The following PSD3 variants were observed in gnomAD, a reference collection of about 807,000 sequenced individuals.
PSD3 encodes pleckstrin and Sec7 domain containing 3, also known as PH and SEC7 domain-containing protein 3.
PSD3 carries 49 observed loss-of-function variants against 105.5 expected under a neutral mutation model. The ratio of observed to expected loss-of-function variants is 0.46; its 90% confidence interval spans 0.37 to 0.59. The LOEUF (loss-of-function observed/expected upper bound fraction) is 0.59, where lower values mean the gene tolerates loss of function less well. Ranked by LOEUF, PSD3 falls within the 20% of genes least tolerant of loss-of-function variation. PSD3 has a pLI of 0.00. For synonymous variants in PSD3, 557 were observed against 457.8 expected (o/e 1.22, Z -2.77); for missense variants, 1,561 against 1,263.8 (o/e 1.24, Z -3.57).
At chr8:18,642,335 A>T (rs1807709257) in intron 10 of PSD3, among the ~76,000 whole-genome samples, 1 of 152,180 alleles carries the variant, frequency 6.6e-6, no homozygotes, top group African/African-American at 2.4e-5. Flanking sequence ...CCTTTAAAAA[A>T]TATACATATA....
At chr8:18,764,365 T>C (rs1806793868) in intron 9 of PSD3, among the ~76,000 whole-genome samples, 1 of 152,196 alleles carries the variant, frequency 6.6e-6, no homozygotes, top group Admixed American at 6.5e-5. Flanking sequence ...TTTATACCTT[T>C]AGAAATGGCA....
chr8:19,076,568 G>C (rs1829468274), intron 1 of PSD3, among the ~76,000 whole-genome samples: 1 of 152,148 alleles, frequency 6.6e-6, no homozygotes, highest in South Asian at 2.1e-4. Flanking sequence ...AGCAAGATTA[G>C]AGTGATTACT....
intron 9 of PSD3, among the ~76,000 whole-genome samples, chr8:18,673,178 G>T (rs12550656): frequency 1.3e-5 from 2 of 151,238 alleles, no homozygotes; most frequent in Non-Finnish European, 2.9e-5. Context: ...ACATTTATTT[G>T]GTTCTCTTAA....
intron 14 of PSD3, among the ~76,000 whole-genome samples, chr8:18,564,114 T>C (rs36088240): frequency 6.4e-5 from 8 of 124,976 alleles, no homozygotes; most frequent in African/African-American, 9.1e-5. Context: ...TCTTCTTCTT[T>C]TTTTTTTTTA....
At chr8:18,932,072 T>G (rs1031951115) in intron 2 of PSD3, among the ~76,000 whole-genome samples, 10 of 152,250 alleles carry the variant, frequency 6.6e-5, no homozygotes, top group Non-Finnish European at 1.5e-4. Flanking sequence ...ATTCTGCTAC[T>G]TTAATACATA....
intron 3 of PSD3, among the ~76,000 whole-genome samples, chr8:18,870,503 G>A (rs1445745660): frequency 6.6e-6 from 1 of 152,038 alleles, no homozygotes; most frequent in East Asian, 1.9e-4. Context: ...GCACAGGGAG[G>A]GGAATATCAC....
intron 9 of PSD3, among the ~76,000 whole-genome samples, chr8:18,752,509 TAA>T (rs1491296885): frequency 2.9e-5 from 2 of 69,580 alleles, no homozygotes; most frequent in African/African-American, 7.5e-5. Context: ...ATAATATATA[TAA>T]TATATGTAAT....
At position 18,867,615 on chromosome 8, in the gene PSD3, C is replaced by G. The variant is rs1817031705; in HGVS notation, c.1634+59G>C. ...AATATATATTCCACACTCAGATTTC[C>G]CAGAAAAGAAATCCTACAAAAACCA... On this transcript the variant is annotated intron_variant, in intron 4 of 15. Coordinates refer to ENST00000327040, the MANE Select transcript of PSD3 (RefSeq NM_015310.4). 6 of 1,518,750 alleles carry G rather than the reference C, an allele frequency of 4.0e-6. No homozygotes were observed. In the East Asian group the frequency reaches 1.4e-4, roughly 34 times the overall value. The allele number at this position is 1,518,750 out of a possible 1,614,324, so 94.1% of individuals were successfully genotyped here. A position where few individuals can be genotyped will look rare whatever the true frequency, so the allele number is the denominator to read the frequency against.
chr8:18,865,717 G>A (rs1447383353), intron 4 of PSD3, among the ~76,000 whole-genome samples: 1 of 152,130 alleles, frequency 6.6e-6, no homozygotes, highest in Non-Finnish European at 1.5e-5. Flanking sequence ...TCTCCAAGGT[G>A]CTTGTCACTC....
chr8:18,730,050 G>A (rs899185507), intron 9 of PSD3: 3 of 152,030 alleles, frequency 2.0e-5, no homozygotes, highest in Non-Finnish European at 4.4e-5. Context: ...AATATCATAC[G>A]GGATACTAGC....
At position 18,677,773 on chromosome 8, in the gene PSD3, A is replaced by AT. The variant is rs572683078; in HGVS notation, c.2173-22089_2173-22088insA. ...ACGCCTGTAATCTCAGCACTGTGGG[A>AT]GGCGAGGCGGCCAGATCACGAGGTC... is the stretch of plus-strand genomic sequence containing the variant. On this transcript the variant is annotated intron_variant, in intron 9 of 15. Transcript: ENST00000327040. Among the ~76,000 whole-genome samples, 126 of 152,298 alleles carry AT rather than the reference A, an allele frequency of 8.3e-4. No individual in the cohort carries two copies. The East Asian group carries it at 0.022, about 26-fold the overall frequency.
At chr8:19,061,615 G>T (rs1026202447) in intron 1 of PSD3, among the ~76,000 whole-genome samples, 1 of 152,108 alleles carries the variant, frequency 6.6e-6, no homozygotes, top group South Asian at 2.1e-4. Context: ...AGACCACTCT[G>T]ACCAATGTGG....
intron 8 of PSD3, among the ~76,000 whole-genome samples, chr8:18,785,554 G>C (rs182565141): frequency 7.6e-4 from 116 of 152,288 alleles, no homozygotes; most frequent in African/African-American, 2.7e-3. Flanking sequence ...CTCTGTATCA[G>C]TAATAAGGCT....
chr8:18,859,973 G>T (rs543877146), intron 4 of PSD3, among the ~76,000 whole-genome samples: 1 of 152,336 alleles, frequency 6.6e-6, no homozygotes, highest in African/African-American at 2.4e-5. Context: ...TGGTGCAAGA[G>T]GTCTAGCCTT....
chr8:18,984,530 A>T (rs944349368), intron 1 of PSD3, among the ~76,000 whole-genome samples: 2 of 152,160 alleles, frequency 1.3e-5, no homozygotes, highest in African/African-American at 4.8e-5. Flanking sequence ...TTTTTTAAAG[A>T]ATGCTCTCAA....
At chr8:18,863,869 C>T (rs1016412518) in intron 4 of PSD3, among the ~76,000 whole-genome samples, 3 of 152,184 alleles carry the variant, frequency 2.0e-5, no homozygotes, top group South Asian at 2.1e-4. Context: ...TCCCTCTGGC[C>T]GCCAAAGGAT....
intron 1 of PSD3, among the ~76,000 whole-genome samples, chr8:18,972,371 A>G (rs1824702706): frequency 6.6e-6 from 1 of 152,250 alleles, no homozygotes; most frequent in African/African-American, 2.4e-5. Context: ...TGCCAGGTGC[A>G]GGAATAACAA....
intron 2 of PSD3, among the ~76,000 whole-genome samples, chr8:18,885,490 C>A (rs1287844494): frequency 6.6e-6 from 1 of 152,128 alleles, no homozygotes; most frequent in Admixed American, 6.5e-5. Context: ...AAAAAATAAT[C>A]ATGAATGCCA....
intron 10 of PSD3, among the ~76,000 whole-genome samples, chr8:18,638,154 CA>C (rs34328764): frequency 0.29 from 20,930 of 72,264 alleles, 1,121 homozygotes; most frequent in South Asian, 0.42. Flanking sequence ...GATTCCATCT[CA>C]AAAAAAAAAA....
Sources: gnomAD v4.1 joint callset for allele counts (sites outside exome capture counted in the v4.1 genomes callset) on GRCh38, gnomAD v4.1.1 for gene constraint, MANE v1.5 for transcripts, NCBI Gene and HGNC (gene_info 2026-07-23, HGNC 2026-07-21) for gene names.